KCNMB2: variants seen among roughly 807,000 people sequenced by gnomAD.
KCNMB2 encodes calcium-activated potassium channel subunit beta-2.
KCNMB2 carries 9 observed loss-of-function variants against 24.5 expected under a neutral mutation model. The observed-to-expected ratio is 0.37, with a 90% CI of 0.22 to 0.64. The LOEUF is 0.64. KCNMB2 is among the 30% of genes least tolerant of loss of function. The pLI, the probability that KCNMB2 is intolerant of heterozygous loss-of-function variation, is 0.63. For missense variants in KCNMB2, 226 were observed against 284.3 expected, an observed-to-expected ratio of 0.79 and a Z score of 1.47; for synonymous variants, 109 against 104.4, an observed-to-expected ratio of 1.04 and a Z score of -0.27.
intron 1 of KCNMB2, among the ~76,000 whole-genome samples, chr3:178,800,525 T>C (rs562893997): frequency 6.6e-6 from 1 of 152,196 alleles, no homozygotes; most frequent in Admixed American, 6.5e-5. Flanking sequence ...AGACAGGGAA[T>C]AACAAATGCT....
intron 1 of KCNMB2, among the ~76,000 whole-genome samples, chr3:178,771,065 T>C (rs1283562880): frequency 6.6e-6 from 1 of 152,234 alleles, no homozygotes; most frequent in African/African-American, 2.4e-5. Context: ...TAAATTATAA[T>C]TATCTGGTTT....
intron 1 of KCNMB2, among the ~76,000 whole-genome samples, chr3:178,779,629 G>A (rs1712740648): frequency 6.6e-6 from 1 of 152,068 alleles, no homozygotes. Flanking sequence ...CAATTTTGCT[G>A]ACCGATTCCC....
intron 1 of KCNMB2, among the ~76,000 whole-genome samples, chr3:178,552,460 T>C (rs916269592): frequency 1.3e-5 from 2 of 152,188 alleles, no homozygotes; most frequent in Non-Finnish European, 2.9e-5. Context: ...CAAAATACTA[T>C]TATGCCTCTA....
chr3:178,651,191 G>A (rs539251578), intron 1 of KCNMB2, among the ~76,000 whole-genome samples: 1 of 152,232 alleles, frequency 6.6e-6, no homozygotes, highest in South Asian at 2.1e-4. Context: ...TCCTTAAGCT[G>A]ATAAGCAACT....
At chr3:178,757,882 TAC>T (rs1724205725) in intron 1 of KCNMB2, among the ~76,000 whole-genome samples, 1 of 62,046 alleles carries the variant, frequency 1.6e-5, no homozygotes, top group African/African-American at 5.3e-5. Flanking sequence ...TCCAAGAGGA[TAC>T]ATATATATAT....
intron 1 of KCNMB2, among the ~76,000 whole-genome samples, chr3:178,714,885 C>T (rs77829992): frequency 0.011 from 1,706 of 152,310 alleles, 36 homozygotes; most frequent in African/African-American, 0.039. Context: ...CTAGAAAAAA[C>T]ATCTAGACTT....
At chr3:178,792,167 AAAT>A (rs1713347559) in intron 1 of KCNMB2, among the ~76,000 whole-genome samples, 1 of 152,260 alleles carries the variant, frequency 6.6e-6, no homozygotes, top group Non-Finnish European at 1.5e-5. Context: ...AACCTATCAA[AAAT>A]AATAATTACA....
At chr3:178,641,860 T>C (rs147427468) in intron 1 of KCNMB2, among the ~76,000 whole-genome samples, 4 of 152,258 alleles carry the variant, frequency 2.6e-5, no homozygotes, top group Admixed American at 6.5e-5. Context: ...GTTTTTATCA[T>C]GAATGGGTAA....
At chr3:178,795,735 A>G (rs1246300589) in intron 1 of KCNMB2, among the ~76,000 whole-genome samples, 2 of 152,222 alleles carry the variant, frequency 1.3e-5, no homozygotes, top group Admixed American at 6.5e-5. Context: ...GTAGCCTAAG[A>G]TTGCAGTGAT....
At chr3:178,631,346 A>G (rs189393777) in intron 1 of KCNMB2, among the ~76,000 whole-genome samples, 1 of 152,236 alleles carries the variant, frequency 6.6e-6, no homozygotes, top group Non-Finnish European at 1.5e-5. Context: ...CTGACAGCTT[A>G]TTAGTGCTGT....
intron 1 of KCNMB2, among the ~76,000 whole-genome samples, chr3:178,573,316 T>C (rs1480824825): frequency 1.3e-5 from 2 of 152,140 alleles, no homozygotes; most frequent in African/African-American, 4.8e-5. Flanking sequence ...GCCAGAAATA[T>C]TCTAAGTAAC....
At chr3:178,736,512 G>A (rs530298204) in intron 1 of KCNMB2, among the ~76,000 whole-genome samples, 1 of 152,262 alleles carries the variant, frequency 6.6e-6, no homozygotes, top group Admixed American at 6.5e-5. Context: ...AGCCCCACAA[G>A]CTATACAAAC....
At chr3:178,753,592 G>A (rs1448796892) in intron 1 of KCNMB2, among the ~76,000 whole-genome samples, 1 of 152,052 alleles carries the variant, frequency 6.6e-6, no homozygotes, top group Non-Finnish European at 1.5e-5. Flanking sequence ...AAAAAAAAGA[G>A]TTTCTCTTAT....
intron 1 of KCNMB2, among the ~76,000 whole-genome samples, chr3:178,764,839 G>A (rs1712050268): frequency 6.6e-6 from 1 of 152,030 alleles, no homozygotes; most frequent in African/African-American, 2.4e-5. Flanking sequence ...AATCTCTCCT[G>A]GCCCAGAGCA....
intron 1 of KCNMB2, among the ~76,000 whole-genome samples, chr3:178,630,869 G>T (rs922861950): frequency 2.6e-5 from 4 of 152,160 alleles, no homozygotes; most frequent in African/African-American, 4.8e-5. Flanking sequence ...GAACAGAAAT[G>T]CTGGAATTGT....
intron 1 of KCNMB2, among the ~76,000 whole-genome samples, chr3:178,588,152 T>TCTTA (rs1434697496): frequency 5.9e-5 from 9 of 152,080 alleles, no homozygotes; most frequent in Non-Finnish European, 1.3e-4. Flanking sequence ...ACAGAGCACC[T>TCTTA]GTACAACATC....
At chr3:178,759,139 G>GATATATATATATATCTCCAAGAGGGAT (rs1711543609) in intron 1 of KCNMB2, among the ~76,000 whole-genome samples, 2 of 17,440 alleles carry the variant, frequency 1.1e-4, no homozygotes, top group African/African-American at 5.9e-4. Flanking sequence ...CTCCAAGAGG[G>GATATATATATATATCTCCAAGAGGGAT]ATATATATAT....
In KCNMB2 at chr3:178,557,343, G is replaced by A. The variant is rs139684959; in HGVS notation, c.-68+20632G>A. On this transcript the variant is annotated intron_variant, in intron 1 of 4. Transcript: ENST00000452583. Reference sequence around the variant, plus strand: ...TCTGAGATGAGGGTAGTATAGTACCGGGGTGGCGGAGTAAGAAAAGGATGA... The same window carrying A: ...TCTGAGATGAGGGTAGTATAGTACCAGGGTGGCGGAGTAAGAAAAGGATGA... Among the ~76,000 whole-genome samples the A allele has an allele frequency of 9.9e-5, 15 of 152,214 alleles. No homozygotes were observed. In the East Asian group the frequency reaches 2.3e-3, roughly 24 times the overall value.
intron 1 of KCNMB2, among the ~76,000 whole-genome samples, chr3:178,658,869 G>A (rs901404091): frequency 5.9e-5 from 9 of 152,246 alleles, no homozygotes; most frequent in South Asian, 2.1e-4. Context: ...CCTGAATTAG[G>A]ATAATCTCAT....
Sources: allele counts gnomAD v4.1 joint callset (sites outside exome capture counted in the v4.1 genomes callset), GRCh38; gene constraint gnomAD v4.1.1; transcripts MANE v1.5; gene names NCBI Gene and HGNC (gene_info 2026-07-23, HGNC 2026-07-21).